EPHA6: variants seen among roughly 807,000 people sequenced by gnomAD.
EPHA6 encodes the protein ephrin type-A receptor 6.
EPHA6 carries 50 observed loss-of-function variants against 112.0 expected under a neutral mutation model. The ratio of observed to expected loss-of-function variants is 0.45; its 90% CI spans 0.36 to 0.56. EPHA6 has a LOEUF of 0.56. Among genes scored for constraint, EPHA6 ranks in the 20% least tolerant of loss-of-function variants. The pLI is 0.00. For missense variants in EPHA6, 1,280 were observed against 1,417.4 expected, an observed-to-expected ratio of 0.90 and a Z score of 1.56; for synonymous variants, 529 against 490.7, an observed-to-expected ratio of 1.08 and a Z score of -1.03.
chr3:97,138,818 A>G (rs2075825054), intron 3 of EPHA6, among the ~76,000 whole-genome samples: 1 of 152,212 alleles, frequency 6.6e-6, no homozygotes, highest in African/African-American at 2.4e-5. Flanking sequence ...TATCACAGAC[A>G]GGGATTCTTG....
chr3:97,630,211 A>G (rs917369595), intron 13 of EPHA6, among the ~76,000 whole-genome samples: 7 of 151,880 alleles, frequency 4.6e-5, no homozygotes, highest in Non-Finnish European at 7.4e-5. Context: ...CTCAACTACA[A>G]CTAAAAATAT....
intron 12 of EPHA6, among the ~76,000 whole-genome samples, chr3:97,597,994 A>G (rs2093608452): frequency 6.6e-6 from 1 of 152,218 alleles, no homozygotes; most frequent in South Asian, 2.1e-4. Context: ...GCATAAACTC[A>G]ATATGCCAAG....
At chr3:97,665,746 A>G (rs925323752) in intron 14 of EPHA6, among the ~76,000 whole-genome samples, 1 of 152,220 alleles carries the variant, frequency 6.6e-6, no homozygotes, top group Non-Finnish European at 1.5e-5. Flanking sequence ...AGCCTGGGTC[A>G]CATGGTCCAC....
intron 2 of EPHA6, among the ~76,000 whole-genome samples, chr3:96,952,485 T>C (rs1207125006): frequency 6.6e-6 from 1 of 152,172 alleles, no homozygotes; most frequent in African/African-American, 2.4e-5. Context: ...TTGGCCCTCT[T>C]CGTTTCTCTT....
chr3:97,158,630 AG>A (rs754995808), intron 3 of EPHA6, among the ~76,000 whole-genome samples: 81 of 152,288 alleles, frequency 5.3e-4, no homozygotes, highest in Non-Finnish European at 8.5e-4. Context: ...TCATGTAAGA[AG>A]GGGGTAGGGA....
chr3:97,054,000 C>G (rs529631346), intron 3 of EPHA6, among the ~76,000 whole-genome samples: 2 of 152,026 alleles, frequency 1.3e-5, no homozygotes, highest in African/African-American at 4.8e-5. Context: ...AGGGTTCTTT[C>G]TGTTATAACA....
At chr3:97,172,688 C>G (rs2076733764) in intron 3 of EPHA6, among the ~76,000 whole-genome samples, 1 of 151,914 alleles carries the variant, frequency 6.6e-6, no homozygotes, top group South Asian at 2.1e-4. Context: ...CTGCTTTGAT[C>G]ATAACATTCC....
chr3:97,397,191 A>G (rs996478166), intron 5 of EPHA6, among the ~76,000 whole-genome samples: 1 of 151,668 alleles, frequency 6.6e-6, no homozygotes, highest in East Asian at 1.9e-4. Context: ...TCAGCCTCTG[A>G]TCTTACAAAC....
chr3:97,370,083 A>G (rs1286342714), intron 5 of EPHA6, among the ~76,000 whole-genome samples: 1 of 152,182 alleles, frequency 6.6e-6, no homozygotes, highest in East Asian at 1.9e-4. Context: ...GTTTTTAGCC[A>G]TGCAGCATTT....
At chr3:97,080,995 T>C (rs2046702373) in intron 3 of EPHA6, among the ~76,000 whole-genome samples, 1 of 152,000 alleles carries the variant, frequency 6.6e-6, no homozygotes, top group Non-Finnish European at 1.5e-5. Flanking sequence ...TGCTTTTGTA[T>C]AGTTTTGCAC....
At chr3:97,643,117 A>G (rs992467953) in intron 14 of EPHA6, among the ~76,000 whole-genome samples, 1 of 152,162 alleles carries the variant, frequency 6.6e-6, no homozygotes, top group Admixed American at 6.5e-5. Context: ...GCAAGCCAGA[A>G]GAGAGTGGGG....
intron 14 of EPHA6, among the ~76,000 whole-genome samples, chr3:97,640,157 G>A (rs2093987900): frequency 1.3e-5 from 2 of 152,116 alleles, no homozygotes; most frequent in Admixed American, 6.5e-5. Flanking sequence ...GTACCAAAAA[G>A]CAGAGGCTGA....
intron 5 of EPHA6, among the ~76,000 whole-genome samples, chr3:97,322,521 T>C (rs548402029): frequency 9.2e-5 from 14 of 152,148 alleles, no homozygotes; most frequent in African/African-American, 3.4e-4. Context: ...CTGGGTTTCG[T>C]GTTTGCAAGC....
intron 11 of EPHA6, among the ~76,000 whole-genome samples, chr3:97,565,670 T>C (rs2093253912): frequency 6.6e-6 from 1 of 152,122 alleles, no homozygotes; most frequent in Non-Finnish European, 1.5e-5. Flanking sequence ...GCTCTTGTAT[T>C]AGTCAGCTTT....
chr3:97,315,545 A>G (rs1384197927), intron 5 of EPHA6, among the ~76,000 whole-genome samples: 1 of 151,690 alleles, frequency 6.6e-6, no homozygotes, highest in Non-Finnish European at 1.5e-5. Context: ...AAGTAGAATC[A>G]AATAATTTGA....
chr3:97,279,364 G>A (rs758026060), intron 5 of EPHA6, among the ~76,000 whole-genome samples: 11 of 151,924 alleles, frequency 7.2e-5, no homozygotes, highest in South Asian at 2.1e-4. Flanking sequence ...CATGAAAAGC[G>A]TGCTATTTTA....
intron 3 of EPHA6, among the ~76,000 whole-genome samples, chr3:97,183,629 T>G (rs2077048075): frequency 6.6e-6 from 1 of 152,132 alleles, no homozygotes; most frequent in South Asian, 2.1e-4. Flanking sequence ...TTAATTAAAT[T>G]AAACATAATG....
chr3:97,277,781 G>T (rs977670968), intron 5 of EPHA6, among the ~76,000 whole-genome samples: 3 of 152,172 alleles, frequency 2.0e-5, no homozygotes, highest in Non-Finnish European at 2.9e-5. Flanking sequence ...TATAGAACTG[G>T]AATTTGCTTG....
At chr3:96,894,849 G>A (rs1160409468) in intron 2 of EPHA6, among the ~76,000 whole-genome samples, 2 of 152,066 alleles carry the variant, frequency 1.3e-5, no homozygotes, top group Admixed American at 1.3e-4. Flanking sequence ...AAAAGAAAAA[G>A]GAGAACCCCC....
Sources: gnomAD v4.1 joint callset for allele counts (sites outside exome capture counted in the v4.1 genomes callset) on GRCh38, gnomAD v4.1.1 for gene constraint, MANE v1.5 for transcripts, NCBI Gene and HGNC (gene_info 2026-07-23, HGNC 2026-07-21) for gene names.